Variants in MALRD1 observed in about 807,000 individuals in gnomAD.
MALRD1 encodes the protein MAM and LDL-receptor class A domain-containing protein 1.
A neutral mutation model predicts 242.1 loss-of-function variants in MALRD1; 247 were observed. That is an observed-to-expected ratio of 1.02 (90% confidence interval 0.92 to 1.13). MALRD1 has a LOEUF of 1.13. Ranked by LOEUF, MALRD1 falls within the 50% of genes most tolerant of loss-of-function variation. The pLI, the probability that MALRD1 is intolerant of heterozygous loss-of-function variation, is 0.00. For missense variants in MALRD1, 2,989 were observed against 2,533.1 expected, an observed-to-expected ratio of 1.18 and a Z score of -3.86; for synonymous variants, 995 against 866.6, an observed-to-expected ratio of 1.15 and a Z score of -2.60.
chr10:19,410,833 G>A (rs911484678), intron 28 of MALRD1, among the ~76,000 whole-genome samples: 1 of 152,054 alleles, frequency 6.6e-6, no homozygotes, highest in Non-Finnish European at 1.5e-5. Context: ...TACAGATTTA[G>A]ACATCTACTA....
chr10:19,237,611 A>G, intron 18 of MALRD1, among the ~76,000 whole-genome samples: 1 of 8,088 alleles, frequency 1.2e-4, no homozygotes, highest in African/African-American at 1.1e-3. Context: ...TATAATTATA[A>G]TTATATAATT....
intron 36 of MALRD1, among the ~76,000 whole-genome samples, chr10:19,678,445 T>C (rs888702035): frequency 7.9e-5 from 12 of 152,030 alleles, no homozygotes; most frequent in Admixed American, 7.2e-4. Context: ...TGAATGGGAG[T>C]CCATTCATGA....
intron 38 of MALRD1, among the ~76,000 whole-genome samples, chr10:19,718,000 C>CTAAA (rs751306181): frequency 0.035 from 4,504 of 127,954 alleles, 83 homozygotes; most frequent in Middle Eastern, 0.053. Flanking sequence ...GAGATTCTAC[C>CTAAA]TAAATAAATA....
At position 19,304,394 on chromosome 10, in the gene MALRD1, C is replaced by G. The variant is rs1322164737; in HGVS notation, c.3420-19555C>G. ...TCTATCTATTAGTCATCATCATCAT[C>G]TATCTATATCCTATTGTTACTGTTT... On this transcript the variant is annotated intron_variant, in intron 21 of 39. Transcript: ENST00000454679. 2.0e-5 allele frequency among the ~76,000 whole-genome samples: 3 copies of G among 151,636 alleles called. No homozygotes were observed. The East Asian group carries it at 5.8e-4, about 29-fold the overall frequency.
At chr10:19,558,189 T>G (rs1438379910) in intron 32 of MALRD1, among the ~76,000 whole-genome samples, 1 of 152,152 alleles carries the variant, frequency 6.6e-6, no homozygotes, top group Admixed American at 6.6e-5. Flanking sequence ...TCATGTCATC[T>G]ATGAACAGTT....
chr10:19,667,659 C>G (rs772608577), intron 36 of MALRD1, among the ~76,000 whole-genome samples: 2 of 152,024 alleles, frequency 1.3e-5, no homozygotes, highest in Non-Finnish European at 2.9e-5. Context: ...ATGTAATGTG[C>G]GGGCTTCCCC....
chr10:19,661,219 C>A (rs1299850208), intron 36 of MALRD1, among the ~76,000 whole-genome samples: 2 of 152,166 alleles, frequency 1.3e-5, no homozygotes, highest in African/African-American at 4.8e-5. Context: ...TTGTGGAAGT[C>A]AGTGTGGCGA....
chr10:19,647,386 C>A (rs2131695855), intron 36 of MALRD1, among the ~76,000 whole-genome samples: 1 of 152,220 alleles, frequency 6.6e-6, no homozygotes, highest in Non-Finnish European at 1.5e-5. Flanking sequence ...GAGGAGCTTA[C>A]CACGCCCAGT....
At chr10:19,550,375 G>A (rs917749825) in intron 32 of MALRD1, among the ~76,000 whole-genome samples, 1 of 152,094 alleles carries the variant, frequency 6.6e-6, no homozygotes, top group African/African-American at 2.4e-5. Context: ...AGGGGTACCT[G>A]TGCAGTTTTG....
chr10:19,608,920 G>C (rs576685308), intron 35 of MALRD1, among the ~76,000 whole-genome samples: 2 of 152,110 alleles, frequency 1.3e-5, no homozygotes, highest in Admixed American at 6.6e-5. Flanking sequence ...TGAGATACCA[G>C]TATTATTTTC....
intron 29 of MALRD1, among the ~76,000 whole-genome samples, chr10:19,469,815 A>C (rs1460840517): frequency 6.6e-6 from 1 of 152,048 alleles, no homozygotes; most frequent in Non-Finnish European, 1.5e-5. Context: ...GCCATATAAA[A>C]AGCTCTATTT....
chr10:19,491,469 A>T, intron 29 of MALRD1, 48 bp from the exon 30 acceptor site: 1 of 1,536,140 alleles, frequency 6.5e-7, no homozygotes, highest in South Asian at 1.2e-5. Flanking sequence ...TTCAAGTCTA[A>T]TGAAAATATT....
Position 19,237,909 on chromosome 10 carries a change from T to C in MALRD1, c.2992-19775T>C, listed in dbSNP as rs755074910. ...TATATACATTATAAATAATTTTATA[T>C]AGTTATATATAATTATATGTAATTT... On this transcript the variant is annotated intron_variant, in intron 18 of 39. Transcript: ENST00000454679. Among the ~76,000 whole-genome samples, 143 of 71,380 alleles carry C rather than the reference T, an allele frequency of 2.0e-3. 2 individuals are homozygous for C. The highest frequency in any genetic ancestry group is 2.6e-3 in the East Asian group (6 of 2,288). 46.8% of individuals were successfully genotyped at this position (71,380 alleles called of 152,430 possible). A position where few individuals can be genotyped will look rare whatever the true frequency, so the allele number is the denominator to read the frequency against.
At position 19,477,804 on chromosome 10, in the gene MALRD1, A is replaced by C. The variant is rs139944266; in HGVS notation, c.5030-13713A>C. ...ACCAGGTGTGACATTTGCATAGCACATGAAGAAGCTGGTCATCCCACCGTA... is the reference window on the plus strand; with the variant it reads ...ACCAGGTGTGACATTTGCATAGCACCTGAAGAAGCTGGTCATCCCACCGTA... On this transcript the variant is annotated intron_variant, in intron 29 of 39. Transcript: ENST00000454679. Among the ~76,000 whole-genome samples the C allele has an allele frequency of 3.0e-3, 463 of 152,314 alleles. 2 individuals are homozygous for C. Among genetic ancestry groups the C allele is most frequent in the African/African-American group, 0.011 (438 of 41,578 alleles).
chr10:19,434,357 A>G (rs1834265107), intron 28 of MALRD1, among the ~76,000 whole-genome samples: 3 of 152,132 alleles, frequency 2.0e-5, no homozygotes, highest in South Asian at 2.1e-4. Flanking sequence ...TGACACAGGT[A>G]TTTCTCCAAG....
At chr10:19,715,819 G>C (rs1834357701) in intron 38 of MALRD1, among the ~76,000 whole-genome samples, 1 of 152,176 alleles carries the variant, frequency 6.6e-6, no homozygotes, top group Non-Finnish European at 1.5e-5. Context: ...TTGAGAGAGA[G>C]AGGGAGGAGG....
chr10:19,203,905 A>T (rs1273353818), intron 15 of MALRD1, 25 bp downstream of exon 15: 1 of 1,550,030 alleles, frequency 6.5e-7, no homozygotes. Context: ...GGGACTCTAC[A>T]ACCACTGCTA....
At chr10:19,118,984 A>T (rs1424572149) in intron 5 of MALRD1, among the ~76,000 whole-genome samples, 5 of 152,166 alleles carry the variant, frequency 3.3e-5, no homozygotes, top group African/African-American at 1.2e-4. Context: ...CAAGGACAGA[A>T]AGACAAATTA....
At chr10:19,597,283 T>A (rs990818651) in intron 34 of MALRD1, among the ~76,000 whole-genome samples, 4 of 152,212 alleles carry the variant, frequency 2.6e-5, no homozygotes, top group African/African-American at 9.6e-5. Context: ...TTAAGTTCAA[T>A]ATAGCCATAT....
Sources: gnomAD v4.1 joint callset for allele counts (sites outside exome capture counted in the v4.1 genomes callset) on GRCh38, gnomAD v4.1.1 for gene constraint, MANE v1.5 for transcripts, NCBI Gene and HGNC (gene_info 2026-07-23, HGNC 2026-07-21) for gene names.